The following ATP13A5 variants were observed in gnomAD, a reference collection of about 807,000 sequenced individuals.
ATP13A5 encodes probable cation-transporting ATPase 13A5.
In ATP13A5, 149 loss-of-function variants were observed where a neutral mutation model predicts 150.2. The ratio of observed to expected loss-of-function variants is 0.99; its 90% CI spans 0.87 to 1.14. ATP13A5 has a LOEUF of 1.14. ATP13A5 is among the 50% of genes most tolerant of loss of function. The pLI, the probability that ATP13A5 is intolerant of heterozygous loss-of-function variation, is 0.00. For synonymous variants in ATP13A5, 497 were observed against 522.2 expected, an observed-to-expected ratio of 0.95 and a Z score of 0.66; for missense variants, 1,383 against 1,449.3, an observed-to-expected ratio of 0.95 and a Z score of 0.74.
intron 26 of ATP13A5, among the ~76,000 whole-genome samples, chr3:193,288,718 G>A (rs1717824842): frequency 1.3e-5 from 2 of 152,066 alleles, no homozygotes; most frequent in South Asian, 2.1e-4. Context: ...GCCTGTAGTA[G>A]ATGTTCCATA....
At chr3:193,377,954 C>T (rs1045107080) in intron 1 of ATP13A5, among the ~76,000 whole-genome samples, 2 of 152,174 alleles carry the variant, frequency 1.3e-5, no homozygotes, top group African/African-American at 4.8e-5. Flanking sequence ...GATTTCTTTT[C>T]AATTAAATAG....
At chr3:193,312,480 A>C (rs1448768689) in intron 19 of ATP13A5, among the ~76,000 whole-genome samples, 1 of 152,044 alleles carries the variant, frequency 6.6e-6, no homozygotes, top group Non-Finnish European at 1.5e-5. Context: ...CATACTCTAC[A>C]TCCCACTGCA....
intron 9 of ATP13A5, among the ~76,000 whole-genome samples, chr3:193,342,909 G>A (rs866118868): frequency 1.3e-5 from 2 of 151,998 alleles, no homozygotes; most frequent in South Asian, 4.1e-4. Context: ...CAACATTCTG[G>A]GTAAAAGATA....
chr3:193,348,581 G>C (rs35277872), intron 7 of ATP13A5, among the ~76,000 whole-genome samples: 1 of 152,290 alleles, frequency 6.6e-6, no homozygotes, highest in African/African-American at 2.4e-5. Context: ...TCTTGGCTTA[G>C]GAAAGGTAAG....
At chr3:193,275,878 T>G (rs778569083) in intron 29 of ATP13A5, among the ~76,000 whole-genome samples, 2 of 152,176 alleles carry the variant, frequency 1.3e-5, no homozygotes. Context: ...CCTTTAAAAA[T>G]TTTTATTTTA....
At chr3:193,322,692 C>G (rs1470933758) in intron 14 of ATP13A5, 118 bp from the exon 15 acceptor site, 2 of 724,396 alleles carry the variant, frequency 2.8e-6, no homozygotes, top group Non-Finnish European at 4.5e-6. Context: ...TTTTCTCTTC[C>G]AGGCCAATTA....
At chr3:193,276,077 G>A (rs1717186513) in intron 29 of ATP13A5, among the ~76,000 whole-genome samples, 1 of 151,934 alleles carries the variant, frequency 6.6e-6, no homozygotes, top group Non-Finnish European at 1.5e-5. Flanking sequence ...CTTCTTTTGG[G>A]TTATTAAAAC....
At chr3:193,318,466 T>C (rs1232339885) in intron 17 of ATP13A5, among the ~76,000 whole-genome samples, 5 of 152,232 alleles carry the variant, frequency 3.3e-5, no homozygotes, top group Non-Finnish European at 5.9e-5. Flanking sequence ...TAATTAAGAA[T>C]ACTGAATTTT....
chr3:193,291,055 G>A (rs979776794), intron 25 of ATP13A5, among the ~76,000 whole-genome samples: 1 of 152,086 alleles, frequency 6.6e-6, no homozygotes, highest in African/African-American at 2.4e-5. Flanking sequence ...TGGTAAATGA[G>A]TGTCCAATGT....
intron 21 of ATP13A5, among the ~76,000 whole-genome samples, chr3:193,307,813 A>G (rs2108847344): frequency 6.6e-6 from 1 of 152,340 alleles, no homozygotes; most frequent in East Asian, 1.9e-4. Context: ...TTTCAAAAAC[A>G]GTTTAACAGA....
Position 193,311,887 on chromosome 3 carries a change from A to G in ATP13A5, c.2374T>C (p.Cys792Arg), listed in dbSNP as rs760725199. The G allele has an allele frequency of 5.4e-5, 87 of 1,613,840 alleles. No homozygotes were observed. In the South Asian group the frequency reaches 8.6e-4, roughly 16 times the overall value. ...TTCCCACTCATTGCAAAATGGTAACAGCTTCCTCCTTCCCCACGAGGGGTT... is the reference window on the plus strand; with the variant it reads ...TTCCCACTCATTGCAAAATGGTAACGGCTTCCTCCTTCCCCACGAGGGGTT... ...SSTPRGEGGS[C>R]YHFAMSGKSY... is the part of the protein sequence containing the mutation. Residue 792 changes from cysteine to arginine, a missense_variant, in exon 20 of 30, where the codon TGT (cysteine) becomes CGT (arginine). Coordinates refer to ENST00000342358, the MANE Select transcript of ATP13A5 (RefSeq NM_198505.4).
chr3:193,285,454 C>T (rs116755050), intron 26 of ATP13A5, among the ~76,000 whole-genome samples: 3,713 of 152,246 alleles, frequency 0.024, 130 homozygotes, highest in African/African-American at 0.068. Flanking sequence ...CTAAACAAGA[C>T]TCCTAACTTG....
In ATP13A5 at chr3:193,301,240, G is replaced by A. The variant is rs1577334792; in HGVS notation, c.2746C>T (p.Gln916Ter). 6.2e-7 allele frequency: 1 copy of A among 1,613,320 alleles called. No individual in the cohort carries two copies. ...FKYLTMYGIIQFISALLLYWQ... is the reference protein window; with the variant it reads ...FKYLTMYGII ...TAGAGCAGTAATGCACTGATAAACT[G>A]GATTATGCCGTACATGGTCAAGTAT... Residue 916 changes from glutamine (Q) to a stop codon, truncating the protein, a stop_gained, in exon 24 of 30, where the codon CAG (glutamine) becomes TAG (stop). Transcript: ENST00000342358. LOFTEE classifies it high-confidence loss of function.
At chr3:193,293,036 A>T (rs1718029212) in intron 25 of ATP13A5, among the ~76,000 whole-genome samples, 1 of 152,084 alleles carries the variant, frequency 6.6e-6, no homozygotes, top group Non-Finnish European at 1.5e-5. Context: ...AAAGTAGGTA[A>T]ATTTTACAGG....
chr3:193,303,488 TGA>T (rs1215869178), intron 23 of ATP13A5, among the ~76,000 whole-genome samples: 1 of 152,114 alleles, frequency 6.6e-6, no homozygotes, highest in Non-Finnish European at 1.5e-5. Flanking sequence ...GCCTGATGCA[TGA>T]GAGACACTCA....
intron 21 of ATP13A5, among the ~76,000 whole-genome samples, chr3:193,307,600 AC>A (rs1456907941): frequency 1.3e-5 from 2 of 152,202 alleles, no homozygotes; most frequent in African/African-American, 4.8e-5. Context: ...TAGTGATATA[AC>A]CAAGGACATC....
intron 17 of ATP13A5, among the ~76,000 whole-genome samples, chr3:193,315,960 C>T (rs942309146): frequency 6.6e-6 from 1 of 151,990 alleles, no homozygotes; most frequent in Non-Finnish European, 1.5e-5. Flanking sequence ...TCCTATTTCC[C>T]CCTCCCCCTA....
intron 5 of ATP13A5, among the ~76,000 whole-genome samples, chr3:193,360,919 C>T (rs1461322125): frequency 6.6e-6 from 1 of 152,186 alleles, no homozygotes; most frequent in African/African-American, 2.4e-5. Context: ...TCAGGTGAAC[C>T]ACCCGCCTTG....
At chr3:193,338,739 C>T (rs1273216025) in intron 9 of ATP13A5, among the ~76,000 whole-genome samples, 2 of 152,160 alleles carry the variant, frequency 1.3e-5, no homozygotes, top group Non-Finnish European at 2.9e-5. Context: ...CAGGATGATG[C>T]TGGCCTCATA....
Sources: allele counts gnomAD v4.1 joint callset (sites outside exome capture counted in the v4.1 genomes callset), GRCh38; gene constraint gnomAD v4.1.1; transcripts MANE v1.5; gene names NCBI Gene and HGNC (gene_info 2026-07-23, HGNC 2026-07-21).